ZDHHC14: variants seen among roughly 807,000 people sequenced by gnomAD.
ZDHHC14 encodes the protein palmitoyltransferase ZDHHC14.
In ZDHHC14, 16 loss-of-function variants were observed where a neutral mutation model predicts 47.7. The observed-to-expected ratio is 0.34, with a 90% CI of 0.23 to 0.51. The LOEUF (loss-of-function observed/expected upper bound fraction) is 0.51. Ranked by LOEUF, ZDHHC14 falls within the 20% of genes least tolerant of loss-of-function variation. The pLI is 0.97. For missense variants in ZDHHC14, 515 were observed against 662.5 expected, an observed-to-expected ratio of 0.78 and a Z score of 2.44; for synonymous variants, 293 against 278.9, an observed-to-expected ratio of 1.05 and a Z score of -0.50.
intron 1 of ZDHHC14, among the ~76,000 whole-genome samples, chr6:157,443,698 C>A (rs1459496967): frequency 6.6e-6 from 1 of 152,192 alleles, no homozygotes; most frequent in Non-Finnish European, 1.5e-5. Flanking sequence ...CTAAGATGAA[C>A]TAGCTGCACA....
chr6:157,632,394 T>C (rs151060307), intron 4 of ZDHHC14: 1 of 168,422 alleles, frequency 5.9e-6, no homozygotes. Flanking sequence ...ATTTCAGCTT[T>C]ATGACTTTGT....
At chr6:157,633,080 G>A (rs1195591541) in intron 5 of ZDHHC14, among the ~76,000 whole-genome samples, 198 bp downstream of exon 5, 2 of 152,056 alleles carry the variant, frequency 1.3e-5, no homozygotes, top group Admixed American at 6.5e-5. Context: ...TGTTTAAATC[G>A]AGGGCTAGGA....
At chr6:157,613,330 A>G (rs1784827295) in intron 3 of ZDHHC14, among the ~76,000 whole-genome samples, 1 of 152,248 alleles carries the variant, frequency 6.6e-6, no homozygotes, top group African/African-American at 2.4e-5. Context: ...TCAACAGAAG[A>G]TGCCTTGATA....
intron 2 of ZDHHC14, among the ~76,000 whole-genome samples, chr6:157,583,533 C>T (rs72565470): frequency 0.56 from 85,613 of 151,734 alleles, 24,437 homozygotes; most frequent in African/African-American, 0.66. Context: ...TATTGTTCTG[C>T]TTTTTTTGTT....
At chr6:157,607,096 C>T (rs1316675961) in intron 3 of ZDHHC14, among the ~76,000 whole-genome samples, 1 of 152,140 alleles carries the variant, frequency 6.6e-6, no homozygotes, top group Non-Finnish European at 1.5e-5. Flanking sequence ...ATGTTAGAAA[C>T]ATCGTCTTTA....
At position 157,409,928 on chromosome 6, in the gene ZDHHC14, A is replaced by C. The variant is rs374782735; in HGVS notation, c.245+27662A>C. On this transcript the variant is annotated intron_variant, in intron 1 of 8. Coordinates refer to ENST00000359775, the MANE Select transcript of ZDHHC14 (RefSeq NM_024630.3). ...ACTGCAACCTCTGCCTCCCGGGTTTAAGCGATTCTTGTGTCTCAGCCTCCC... is the reference window on the plus strand; with the variant it reads ...ACTGCAACCTCTGCCTCCCGGGTTTCAGCGATTCTTGTGTCTCAGCCTCCC... Among the ~76,000 whole-genome samples, 910 of 152,096 alleles carry C rather than the reference A, an allele frequency of 6.0e-3. 8 individuals carry two copies. Among genetic ancestry groups the C allele is most frequent in the South Asian group, 0.026 (124 of 4,802 alleles).
chr6:157,626,102 T>C (rs1785400881), intron 3 of ZDHHC14, among the ~76,000 whole-genome samples: 1 of 152,220 alleles, frequency 6.6e-6, no homozygotes, highest in East Asian at 1.9e-4. Context: ...TGGTCTGTAG[T>C]GTGCTGCAAG....
intron 1 of ZDHHC14, among the ~76,000 whole-genome samples, chr6:157,455,526 C>A (rs1304125765): frequency 6.6e-6 from 1 of 152,184 alleles, no homozygotes; most frequent in Non-Finnish European, 1.5e-5. Flanking sequence ...CCAGGTCTTT[C>A]TTAAGTCTGG....
At chr6:157,456,958 G>C (rs1452563504) in intron 1 of ZDHHC14, among the ~76,000 whole-genome samples, 1 of 151,688 alleles carries the variant, frequency 6.6e-6, no homozygotes, top group Non-Finnish European at 1.5e-5. Flanking sequence ...AGAGCAGCCT[G>C]GCCAACATGG....
chr6:157,618,510 C>T (rs1243463049), intron 3 of ZDHHC14, among the ~76,000 whole-genome samples: 4 of 152,052 alleles, frequency 2.6e-5, no homozygotes, highest in African/African-American at 7.2e-5. Context: ...TTAATACAGA[C>T]GGGGTTTCAC....
At chr6:157,491,872 A>G (rs1779925236) in intron 1 of ZDHHC14, among the ~76,000 whole-genome samples, 1 of 152,232 alleles carries the variant, frequency 6.6e-6, no homozygotes, top group Admixed American at 6.5e-5. Flanking sequence ...ATGCAAGCGT[A>G]ATCCTAAGGA....
chr6:157,396,730 C>T (rs962675079), intron 1 of ZDHHC14, among the ~76,000 whole-genome samples: 3 of 152,144 alleles, frequency 2.0e-5, no homozygotes. Flanking sequence ...AAGAGGTATG[C>T]TCTTGTCTTC....
chr6:157,520,077 C>T (rs146769601), intron 1 of ZDHHC14, among the ~76,000 whole-genome samples: 1,605 of 152,276 alleles, frequency 0.011, 18 homozygotes, highest in Non-Finnish European at 0.018. Context: ...CCAGGGTGCC[C>T]CCCAGATCTA....
intron 8 of ZDHHC14, among the ~76,000 whole-genome samples, chr6:157,668,696 T>A (rs1455695282): frequency 6.6e-6 from 1 of 151,880 alleles, no homozygotes. Flanking sequence ...TGAGACTCCA[T>A]CTCAAAAAAA....
intron 3 of ZDHHC14, among the ~76,000 whole-genome samples, chr6:157,603,762 C>T (rs1784426620): frequency 6.6e-6 from 1 of 152,144 alleles, no homozygotes; most frequent in South Asian, 2.1e-4. Flanking sequence ...TTTTCCAGGA[C>T]CCAGGCTGAA....
chr6:157,621,249 A>G (rs1199631287), intron 3 of ZDHHC14, among the ~76,000 whole-genome samples: 2 of 152,166 alleles, frequency 1.3e-5, no homozygotes, highest in Admixed American at 1.3e-4. Flanking sequence ...CATAGAGGCC[A>G]GATACAATAT....
chr6:157,623,781 CT>C (rs1785290161), intron 3 of ZDHHC14, among the ~76,000 whole-genome samples: 1 of 152,132 alleles, frequency 6.6e-6, no homozygotes, highest in Non-Finnish European at 1.5e-5. Context: ...ATCTCCTGAC[CT>C]CGTGATCTGC....
At chr6:157,455,672 C>A (rs1384217046) in intron 1 of ZDHHC14, among the ~76,000 whole-genome samples, 3 of 152,148 alleles carry the variant, frequency 2.0e-5, no homozygotes, top group African/African-American at 7.2e-5. Flanking sequence ...CTCGCTCCTC[C>A]GGCAGGAACC....
intron 1 of ZDHHC14, among the ~76,000 whole-genome samples, chr6:157,472,580 A>G (rs1779382367): frequency 6.6e-6 from 1 of 152,076 alleles, no homozygotes; most frequent in Non-Finnish European, 1.5e-5. Context: ...CACACTTACC[A>G]TGTGACTCTC....
Sources: allele counts gnomAD v4.1 joint callset (sites outside exome capture counted in the v4.1 genomes callset), GRCh38; gene constraint gnomAD v4.1.1; transcripts MANE v1.5; gene names NCBI Gene and HGNC (gene_info 2026-07-23, HGNC 2026-07-21).